TRIM23: variants seen among roughly 807,000 people sequenced by gnomAD.
TRIM23 encodes E3 ubiquitin-protein ligase TRIM23.
A neutral mutation model predicts 71.0 loss-of-function variants in TRIM23; 27 were observed. The observed-to-expected ratio is 0.38, with a 90% confidence interval of 0.28 to 0.52. TRIM23 has a LOEUF of 0.52. Among genes scored for constraint, TRIM23 ranks in the 20% least tolerant of loss-of-function variants. The probability of loss-of-function intolerance (pLI) is 0.84; values close to 1 mark genes in which losing one functional copy is unlikely to be tolerated. For missense variants in TRIM23, 482 were observed against 692.3 expected (o/e 0.70, Z 3.41); for synonymous variants, 234 against 238.0 (o/e 0.98, Z 0.16).
At chr5:65,599,947 C>T (rs1237551478) in intron 7 of TRIM23, among the ~76,000 whole-genome samples, 1 of 152,080 alleles carries the variant, frequency 6.6e-6, no homozygotes, top group Non-Finnish European at 1.5e-5. Context: ...ACAGGCAGTA[C>T]AGGAAGCATG....
chr5:65,601,237 T>C (rs1268453801), intron 7 of TRIM23, among the ~76,000 whole-genome samples: 1 of 152,208 alleles, frequency 6.6e-6, no homozygotes, highest in East Asian at 1.9e-4. Flanking sequence ...AGGTGGAAGC[T>C]ACCCAAGTTT....
chr5:65,596,578 T>C (rs534858245), intron 8 of TRIM23, 47 bp from the exon 9 acceptor site: 3 of 1,135,534 alleles, frequency 2.6e-6, no homozygotes, highest in African/African-American at 1.6e-5. Flanking sequence ...GTATTTACAA[T>C]GAATGACATA....
At chr5:65,594,760 T>A in intron 9 of TRIM23, 115 bp from the exon 10 acceptor site, 1 of 988,480 alleles carries the variant, frequency 1.0e-6, no homozygotes, top group South Asian at 2.3e-5. Flanking sequence ...CTACCATCAT[T>A]ATTTTCACAC....
Position 65,603,608 on chromosome 5 carries a change from T to C in TRIM23, c.1179+1303A>G, listed in dbSNP as rs558754756. Among the ~76,000 whole-genome samples, 6 of 152,302 alleles carry C rather than the reference T, an allele frequency of 3.9e-5. No individual in the cohort carries two copies. In the East Asian group the frequency reaches 7.7e-4, roughly 20 times the overall value. On this transcript the variant is annotated intron_variant, in intron 7 of 10. Coordinates refer to ENST00000231524, the MANE Select transcript of TRIM23 (RefSeq NM_001656.4). ...GGGTAGAAGGACCAGGCATAAAAGC[T>C]AGATTTCTCTGAATAAACCTTGCTT... is the stretch of plus-strand genomic sequence containing the variant.
chr5:65,590,074 G>T lies in TRIM23; in HGVS notation c.*1695C>A. On this transcript the variant is annotated 3_prime_UTR_variant, in exon 11 of 11. Transcript: ENST00000231524. The stretch of plus-strand genomic sequence containing the variant: ...ATTTTTCAACTGTGTTCAGTTATAT[G>T]CTAAGAATGTGCATTACAAAGTTTA... 2 of 395,912 alleles carry T rather than the reference G, an allele frequency of 5.1e-6. No homozygotes were observed. Among genetic ancestry groups the T allele is most frequent in the South Asian group, 7.0e-5 (1 of 14,304 alleles). 24.5% of individuals were successfully genotyped at this position (395,912 alleles called of 1,614,324 possible).
chr5:65,615,127 C>G (rs1754747359), intron 2 of TRIM23, among the ~76,000 whole-genome samples: 1 of 152,008 alleles, frequency 6.6e-6, no homozygotes, highest in Non-Finnish European at 1.5e-5. Context: ...TCTCAAAACT[C>G]CTGGCCTAAA....
intron 1 of TRIM23, among the ~76,000 whole-genome samples, chr5:65,619,796 T>C (rs2161278): frequency 0.19 from 28,980 of 152,098 alleles, 3,414 homozygotes; most frequent in South Asian, 0.32. Context: ...AAAATGCAAA[T>C]TAAAGCTAGG....
chr5:65,597,632 G>GTTT (rs755454212), intron 7 of TRIM23, among the ~76,000 whole-genome samples: 9 of 151,874 alleles, frequency 5.9e-5, no homozygotes, highest in Non-Finnish European at 8.8e-5. Context: ...TTTTAAAAAA[G>GTTT]TATTACCCAC....
chr5:65,602,908 T>A (rs1011527582), intron 7 of TRIM23, among the ~76,000 whole-genome samples: 45 of 152,184 alleles, frequency 3.0e-4, no homozygotes, highest in Non-Finnish European at 7.3e-5. Context: ...TTCTGGGAGA[T>A]ACAATTCAAA....
At chr5:65,593,741 AT>A (rs1754108013) in intron 10 of TRIM23, among the ~76,000 whole-genome samples, 1 of 152,030 alleles carries the variant, frequency 6.6e-6, no homozygotes, top group African/African-American at 2.4e-5. Context: ...CATCCTCCCC[AT>A]TCAGTCACCA....
chr5:65,614,147 G>A lies in TRIM23; in HGVS notation c.317C>T (p.Pro106Leu), dbSNP rs767817259. 9.3e-6 allele frequency: 15 copies of A among 1,613,792 alleles called. No homozygotes were observed. Among genetic ancestry groups the A allele is most frequent in the Middle Eastern group, 1.6e-4 (1 of 6,078 alleles). Residue 106 changes from proline to leucine, a missense_variant, in exon 3 of 11, where the codon CCT becomes CTT. Coordinates refer to ENST00000231524, the MANE Select transcript of TRIM23 (RefSeq NM_001656.4). ...LELLERLQNGPIGQYGAAEES... is the reference protein window; with the variant it reads ...LELLERLQNGLIGQYGAAEES... ...TTCTGCAGCTCCATACTGACCAATA[G>A]GCCCATTCTGCAGTCGTTCCAAAAG...
At chr5:65,604,729 C>T in intron 7 of TRIM23, 182 bp downstream of exon 7, 3 of 469,390 alleles carry the variant, frequency 6.4e-6, no homozygotes, top group South Asian at 6.2e-5. Context: ...CTTCTTATTC[C>T]AATTTTAGTA....
chr5:65,602,365 T>C (rs775547382), intron 7 of TRIM23, among the ~76,000 whole-genome samples: 17 of 152,102 alleles, frequency 1.1e-4, no homozygotes, highest in Non-Finnish European at 2.2e-4. Context: ...TCCCAAAAAG[T>C]TCCTCGTCTC....
intron 1 of TRIM23, 62 bp downstream of exon 1, chr5:65,624,132 G>A: frequency 6.2e-7 from 1 of 1,603,432 alleles, no homozygotes; most frequent in South Asian, 1.1e-5. Context: ...GATGCCGCCA[G>A]GTCTCCAGGA....
At chr5:65,614,257 A>G (rs1317647089) in intron 2 of TRIM23, 38 bp from the exon 3 acceptor site, 1 of 1,578,188 alleles carries the variant, frequency 6.3e-7, no homozygotes, top group Non-Finnish European at 8.7e-7. Flanking sequence ...AATCTAACAA[A>G]ATGGACTATT....
chr5:65,603,164 G>A (rs1754406564), intron 7 of TRIM23, among the ~76,000 whole-genome samples: 1 of 151,966 alleles, frequency 6.6e-6, no homozygotes, highest in South Asian at 2.1e-4. Flanking sequence ...GGGGGCAGAG[G>A]GGAACTGTTT....
rs761000341 is a variant in TRIM23, at chr5:65,610,845, GA to G, written c.828+15del. On this transcript the variant is annotated intron_variant, in intron 5 of 10. Coordinates refer to ENST00000231524, the MANE Select transcript of TRIM23 (RefSeq NM_001656.4). ...TAAAAAAGAATGAGAAAGTGAAGAA[GA>G]AAAAAAATCCATACATGTTCTGTGT... is the stretch of plus-strand genomic sequence containing the variant. The G allele has an allele frequency of 3.0e-5, 46 of 1,552,174 alleles. No individual in the cohort carries two copies. Among genetic ancestry groups the G allele is most frequent in the Admixed American group, 8.9e-5 (4 of 44,792 alleles).
chr5:65,618,904 C>T (rs751313579), intron 1 of TRIM23, among the ~76,000 whole-genome samples: 1 of 152,122 alleles, frequency 6.6e-6, no homozygotes, highest in African/African-American at 2.4e-5. Flanking sequence ...ATGACTTGCA[C>T]AAGGCTACAC....
rs1754143614 is a variant in TRIM23, at chr5:65,594,596, T to G, written c.1470A>C (p.Ala490=). 6.2e-7 allele frequency: 1 copy of G among 1,612,396 alleles called. No homozygotes were observed. Among genetic ancestry groups the G allele is most frequent in the African/African-American group, 1.3e-5 (1 of 74,836 alleles). The change falls in exon 10 of 11, where the codon GCA becomes GCC. Residue 490 remains alanine (A), a synonymous_variant. Coordinates refer to ENST00000231524, the MANE Select transcript of TRIM23 (RefSeq NM_001656.4). ...DSSHRDRISE[A]HSELAKLLTE... The stretch of plus-strand genomic sequence containing the variant: ...TTAACAACTTTGCAAGTTCGCTGTG[T>G]GCTTCACTAATTCTGTCTCTATGAC...
Sources: gnomAD v4.1 joint callset for allele counts (sites outside exome capture counted in the v4.1 genomes callset) on GRCh38, gnomAD v4.1.1 for gene constraint, MANE v1.5 for transcripts, NCBI Gene and HGNC (gene_info 2026-07-23, HGNC 2026-07-21) for gene names.